Variants in GAB1 observed in about 807,000 individuals in gnomAD.
GAB1 encodes GRB2 associated binding protein 1.
A neutral mutation model predicts 66.5 loss-of-function variants in GAB1; 19 were observed. The ratio of observed to expected loss-of-function variants is 0.29; its 90% CI spans 0.20 to 0.42. The LOEUF is 0.42. GAB1 is among the 10% of genes least tolerant of loss of function. The pLI, the probability that GAB1 is intolerant of heterozygous loss-of-function variation, is 1.00. For synonymous variants in GAB1, 294 were observed against 301.4 expected, an observed-to-expected ratio of 0.98 and a Z score of 0.25; for missense variants, 732 against 858.5, an observed-to-expected ratio of 0.85 and a Z score of 1.84.
intron 1 of GAB1, among the ~76,000 whole-genome samples, chr4:143,381,368 A>G (rs1006707199): frequency 4.6e-5 from 7 of 152,268 alleles, no homozygotes; most frequent in South Asian, 4.1e-4. Context: ...GGGAGTTGCT[A>G]TGTCTGCAGC....
At chr4:143,454,900 C>CTT in intron 6 of GAB1, among the ~76,000 whole-genome samples, 1 of 149,028 alleles carries the variant, frequency 6.7e-6, no homozygotes, top group African/African-American at 2.5e-5. Flanking sequence ...GTTTCTCTCT[C>CTT]TTTTTTTTTT....
At chr4:143,457,896 A>C (rs1735278884) in intron 6 of GAB1, 1 of 593,702 alleles carries the variant, frequency 1.7e-6, no homozygotes, top group Non-Finnish European at 2.9e-6. Flanking sequence ...ACTTTCCTGC[A>C]CATTATTTCT....
chr4:143,428,887 T>C (rs996931311), intron 2 of GAB1, among the ~76,000 whole-genome samples: 1 of 133,100 alleles, frequency 7.5e-6, no homozygotes, highest in Non-Finnish European at 1.6e-5. Flanking sequence ...TTAGGAGATA[T>C]ACCTAATGTA....
At chr4:143,414,446 G>C (rs1339109286) in intron 1 of GAB1, among the ~76,000 whole-genome samples, 1 of 152,146 alleles carries the variant, frequency 6.6e-6, no homozygotes, top group South Asian at 2.1e-4. Context: ...ACTTGTGGAG[G>C]GGGTATGTGG....
intron 1 of GAB1, among the ~76,000 whole-genome samples, chr4:143,387,052 G>A (rs1425854022): frequency 6.6e-6 from 1 of 152,208 alleles, no homozygotes; most frequent in Non-Finnish European, 1.5e-5. Flanking sequence ...GAAATGTAGA[G>A]TTAGAACTTT....
chr4:143,443,130 C>G (rs1734330337), intron 6 of GAB1, among the ~76,000 whole-genome samples: 2 of 151,290 alleles, frequency 1.3e-5, no homozygotes. Context: ...CATTCTCCTG[C>G]CTCAGCTTCC....
intron 1 of GAB1, among the ~76,000 whole-genome samples, chr4:143,355,613 G>C (rs536600852): frequency 6.6e-6 from 1 of 152,068 alleles, no homozygotes; most frequent in African/African-American, 2.4e-5. Context: ...TCAGGAAGGC[G>C]TGCGCCTCAC....
chr4:143,393,231 AAAAAAAAAAAAAG>A (rs1425982131), intron 1 of GAB1, among the ~76,000 whole-genome samples: 1 of 135,230 alleles, frequency 7.4e-6, no homozygotes, highest in Non-Finnish European at 1.6e-5. Context: ...TTTTTTTTTT[AAAAAAAAAAAAAG>A]AAAAAAAAAG....
intron 6 of GAB1, chr4:143,457,741 C>A (rs772601212): frequency 6.3e-7 from 1 of 1,579,102 alleles, no homozygotes; most frequent in Admixed American, 2.0e-5. Flanking sequence ...ATTCACAAAC[C>A]ATAGGTGACT....
At chr4:143,344,762 A>G (rs1728936976) in intron 1 of GAB1, among the ~76,000 whole-genome samples, 1 of 152,242 alleles carries the variant, frequency 6.6e-6, no homozygotes, top group Non-Finnish European at 1.5e-5. Flanking sequence ...CTTAAATAAT[A>G]GAAGAATGCC....
At chr4:143,430,095 A>C (rs185352769) in intron 2 of GAB1, among the ~76,000 whole-genome samples, 1 of 152,310 alleles carries the variant, frequency 6.6e-6, no homozygotes, top group East Asian at 1.9e-4. Context: ...TGAATCCTGT[A>C]CATTTTTCCT....
chr4:143,457,595 C>A, intron 6 of GAB1: 1 of 294,426 alleles, frequency 3.4e-6, no homozygotes, highest in Non-Finnish European at 5.9e-6. Flanking sequence ...GGCTCTGTTG[C>A]TTTTTTTTTT....
intron 1 of GAB1, among the ~76,000 whole-genome samples, chr4:143,355,909 G>C (rs1342142867): frequency 6.6e-6 from 1 of 152,060 alleles, no homozygotes; most frequent in Non-Finnish European, 1.5e-5. Context: ...ATAAGGGCTG[G>C]TGATTTGGAG....
At chr4:143,456,597 C>T (rs1735206923) in intron 6 of GAB1, among the ~76,000 whole-genome samples, 1 of 152,106 alleles carries the variant, frequency 6.6e-6, no homozygotes, top group South Asian at 2.1e-4. Context: ...CAGGCTGCCT[C>T]ATTTCTGAAT....
chr4:143,462,231 C>T (rs569828218), intron 8 of GAB1, among the ~76,000 whole-genome samples: 1 of 152,060 alleles, frequency 6.6e-6, no homozygotes, highest in Non-Finnish European at 1.5e-5. Flanking sequence ...GAGTGGAGTT[C>T]TATTATTATT....
At chr4:143,444,639 G>T (rs1438535212) in intron 6 of GAB1, among the ~76,000 whole-genome samples, 1 of 151,830 alleles carries the variant, frequency 6.6e-6, no homozygotes, top group Non-Finnish European at 1.5e-5. Context: ...TAGTTTTAGG[G>T]GGGTGCATGT....
rs1222440925 is a variant in GAB1, at chr4:143,374,027, G to C, written c.72+36767G>C. ...GACTACAGTGGGTTTTTTGTCAGAT[G>C]CCTCCTTATTTATGAGTTGGAGTGA... On this transcript the variant is annotated intron_variant, in intron 1 of 9. Coordinates refer to ENST00000262994, the MANE Select transcript of GAB1 (RefSeq NM_002039.4). Among the ~76,000 whole-genome samples the C allele has an allele frequency of 2.6e-5, 4 of 151,378 alleles. No individual in the cohort carries two copies. The East Asian group carries it at 5.8e-4, about 22-fold the overall frequency.
intron 1 of GAB1, among the ~76,000 whole-genome samples, chr4:143,366,880 T>G (rs1465818301): frequency 6.6e-6 from 1 of 152,070 alleles, no homozygotes; most frequent in Admixed American, 6.5e-5. Flanking sequence ...CCCAGGCTCA[T>G]TTCTCTTACC....
In GAB1 at chr4:143,457,801, G is replaced by A. The variant is rs370190712; in HGVS notation, c.1586-1584G>A. Reference sequence around the variant, plus strand: ...ACTTTAGCACCGCATGCTGTATGGGGCATTGGGAATTTATTTTGTAATGTT... The same window carrying A: ...ACTTTAGCACCGCATGCTGTATGGGACATTGGGAATTTATTTTGTAATGTT... On this transcript the variant is annotated intron_variant, in intron 6 of 9. Coordinates refer to ENST00000262994, the MANE Select transcript of GAB1 (RefSeq NM_002039.4). 3.7e-6 allele frequency: 4 copies of A among 1,080,284 alleles called. No individual in the cohort carries two copies. In the African/African-American group the frequency reaches 6.6e-5, roughly 18 times the overall value. The allele number at this position is 1,080,284 out of a possible 1,614,324, so 66.9% of individuals were successfully genotyped here. A position where few individuals can be genotyped will look rare whatever the true frequency, so the allele number is the denominator to read the frequency against.
Sources: allele counts gnomAD v4.1 joint callset (sites outside exome capture counted in the v4.1 genomes callset), GRCh38; gene constraint gnomAD v4.1.1; transcripts MANE v1.5; gene names NCBI Gene and HGNC (gene_info 2026-07-23, HGNC 2026-07-21).